AMPH: variants seen among roughly 807,000 people sequenced by gnomAD.
The protein encoded by AMPH is amphiphysin (Stiff-Mann syndrome with breast cancer 128kD autoantigen).
A neutral mutation model predicts 99.1 loss-of-function variants in AMPH; 49 were observed. The ratio of observed to expected loss-of-function variants is 0.49; its 90% CI spans 0.39 to 0.63. The LOEUF is 0.63. Ranked by LOEUF, AMPH falls within the 20% of genes least tolerant of loss-of-function variation. The pLI is 0.00. For missense variants in AMPH, 759 were observed against 863.4 expected, an observed-to-expected ratio of 0.88 and a Z score of 1.52; for synonymous variants, 314 against 317.3, an observed-to-expected ratio of 0.99 and a Z score of 0.11.
At chr7:38,618,347 C>CAA (rs746487712) in intron 1 of AMPH, among the ~76,000 whole-genome samples, 8 of 115,308 alleles carry the variant, frequency 6.9e-5, no homozygotes, top group African/African-American at 9.7e-5. Context: ...CCCATCTCTA[C>CAA]AAAAAAAAAA....
At chr7:38,519,697 A>G (rs1003519178) in intron 2 of AMPH, among the ~76,000 whole-genome samples, 2 of 152,222 alleles carry the variant, frequency 1.3e-5, no homozygotes, top group African/African-American at 4.8e-5. Context: ...ACCAGGAGTG[A>G]CCAAAACTTT....
At chr7:38,472,314 A>C (rs1376207526) in intron 7 of AMPH, among the ~76,000 whole-genome samples, 1 of 152,184 alleles carries the variant, frequency 6.6e-6, no homozygotes, top group African/African-American at 2.4e-5. Context: ...TTATGGAATA[A>C]CTTGAAAAAT....
chr7:38,403,376 A>G, intron 17 of AMPH, among the ~76,000 whole-genome samples: 1 of 152,182 alleles, frequency 6.6e-6, no homozygotes, highest in East Asian at 1.9e-4. Context: ...ACCTTCGGCA[A>G]TGCTGTTGGT....
At chr7:38,521,734 T>C (rs1427645583) in intron 2 of AMPH, among the ~76,000 whole-genome samples, 3 of 152,184 alleles carry the variant, frequency 2.0e-5, no homozygotes, top group East Asian at 1.9e-4. Flanking sequence ...TCATTCTCTG[T>C]TGGAGGGATT....
chr7:38,596,599 C>T (rs1793068844), intron 1 of AMPH, among the ~76,000 whole-genome samples: 1 of 152,132 alleles, frequency 6.6e-6, no homozygotes, highest in Admixed American at 6.5e-5. Flanking sequence ...TCATGTTTGC[C>T]TGATGCAGTC....
Position 38,384,960 on chromosome 7 carries a change from A to C in AMPH, c.1981-35T>G, listed in dbSNP as rs750740074. On this transcript the variant is annotated intron_variant, in intron 20 of 20. Transcript: ENST00000356264. ...AATGACAGAACTTTCAGGGTCCAGC[A>C]AACTACTGGAAAATCCACACTGCCA... is the stretch of plus-strand genomic sequence containing the variant. The C allele has an allele frequency of 4.1e-5, 64 of 1,570,946 alleles. 1 individual carries two copies. In the Admixed American group the frequency reaches 8.2e-4, roughly 20 times the overall value.
rs1437142208 is a variant in AMPH at position 38,610,386 on chromosome 7, A to G, written c.69+20897T>C. On this transcript the variant is annotated intron_variant, in intron 1 of 20. Transcript: ENST00000356264. ...AAGAAAAGAAAAGAAAGGAAAGGAAAAGAAAAGAAAAGAAAAGAAAAGAAA... is the reference window on the plus strand; with the variant it reads ...AAGAAAAGAAAAGAAAGGAAAGGAAGAGAAAAGAAAAGAAAAGAAAAGAAA... Among the ~76,000 whole-genome samples the G allele has an allele frequency of 1.6e-4, 21 of 132,382 alleles. 1 individual carries two copies. Among genetic ancestry groups the G allele is most frequent in the Non-Finnish European group, 2.7e-4 (17 of 62,508 alleles). The allele number at this position is 132,382 out of a possible 152,430, so 86.8% of individuals were successfully genotyped here.
chr7:38,461,656 T>A (rs1401059211), intron 10 of AMPH, among the ~76,000 whole-genome samples: 1 of 152,152 alleles, frequency 6.6e-6, no homozygotes, highest in Non-Finnish European at 1.5e-5. Context: ...TCATCTCAAC[T>A]CAAGTACAAT....
At chr7:38,599,922 C>T (rs1192880387) in intron 1 of AMPH, among the ~76,000 whole-genome samples, 1 of 151,982 alleles carries the variant, frequency 6.6e-6, no homozygotes, top group Admixed American at 6.6e-5. Flanking sequence ...TGAGTCTCCT[C>T]ATACAGAGCA....
chr7:38,575,969 T>C (rs1290726207), intron 1 of AMPH, among the ~76,000 whole-genome samples: 3 of 152,228 alleles, frequency 2.0e-5, no homozygotes, highest in Non-Finnish European at 2.9e-5. Flanking sequence ...ACCACTGTTA[T>C]AGTTTTTATT....
At chr7:38,427,604 G>A (rs1785829031) in intron 14 of AMPH, among the ~76,000 whole-genome samples, 1 of 149,322 alleles carries the variant, frequency 6.7e-6, no homozygotes, top group South Asian at 2.1e-4. Flanking sequence ...GTGTGTATGT[G>A]TCTATGTTGT....
chr7:38,443,191 C>T (rs957283995), intron 11 of AMPH, among the ~76,000 whole-genome samples: 1 of 151,678 alleles, frequency 6.6e-6, no homozygotes, highest in Non-Finnish European at 1.5e-5. Context: ...AAATAGATAC[C>T]CTGAACTGCT....
chr7:38,554,452 T>G (rs1209731015), intron 1 of AMPH, among the ~76,000 whole-genome samples: 1 of 152,190 alleles, frequency 6.6e-6, no homozygotes, highest in East Asian at 1.9e-4. Flanking sequence ...ATGTCTATAC[T>G]TATTGACCCA....
At chr7:38,396,030 C>T (rs1172604625) in intron 17 of AMPH, among the ~76,000 whole-genome samples, 2 of 152,174 alleles carry the variant, frequency 1.3e-5, no homozygotes, top group Non-Finnish European at 2.9e-5. Flanking sequence ...CAAGTATTTA[C>T]TCATATTCTT....
intron 2 of AMPH, among the ~76,000 whole-genome samples, chr7:38,509,111 T>A (rs1789442842): frequency 6.6e-6 from 1 of 152,204 alleles, no homozygotes; most frequent in African/African-American, 2.4e-5. Context: ...CTCTGTGCAC[T>A]ATTGGAGCTG....
At chr7:38,593,980 C>T (rs1792956576) in intron 1 of AMPH, among the ~76,000 whole-genome samples, 2 of 152,116 alleles carry the variant, frequency 1.3e-5, no homozygotes, top group South Asian at 4.1e-4. Context: ...GTGGGTTTAC[C>T]CGGACAACAT....
At chr7:38,510,868 G>T (rs147798210) in intron 2 of AMPH, among the ~76,000 whole-genome samples, 1 of 152,124 alleles carries the variant, frequency 6.6e-6, no homozygotes, top group Non-Finnish European at 1.5e-5. Flanking sequence ...TGTGAATAAA[G>T]ATATCAATTG....
intron 2 of AMPH, among the ~76,000 whole-genome samples, chr7:38,504,799 G>C (rs936022241): frequency 6.6e-6 from 1 of 152,144 alleles, no homozygotes; most frequent in Non-Finnish European, 1.5e-5. Flanking sequence ...CTCAGAAAAA[G>C]GTACTAGGGG....
At chr7:38,422,381 A>T in intron 16 of AMPH, 40 bp downstream of exon 16, 3 of 1,545,168 alleles carry the variant, frequency 1.9e-6, no homozygotes, top group Non-Finnish European at 2.7e-6. Flanking sequence ...TTCAGTGATA[A>T]CTAACAACTT....
Sources: allele counts gnomAD v4.1 joint callset (sites outside exome capture counted in the v4.1 genomes callset), GRCh38; gene constraint gnomAD v4.1.1; transcripts MANE v1.5; gene names NCBI Gene and HGNC (gene_info 2026-07-23, HGNC 2026-07-21).